LILRB5: variants seen among roughly 807,000 people sequenced by gnomAD.
LILRB5 encodes leukocyte immunoglobulin-like receptor subfamily B member 5.
A neutral mutation model predicts 68.4 loss-of-function variants in LILRB5; 61 were observed. The ratio of observed to expected loss-of-function variants is 0.89; its 90% CI spans 0.73 to 1.10. The LOEUF (loss-of-function observed/expected upper bound fraction) is 1.10, where lower values mean the gene tolerates loss of function less well. Ranked by LOEUF, LILRB5 falls within the 50% of genes least tolerant of loss-of-function variation. LILRB5 has a pLI of 0.00. For synonymous variants in LILRB5, 356 were observed against 315.8 expected, an observed-to-expected ratio of 1.13 and a Z score of -1.35; for missense variants, 771 against 751.6, an observed-to-expected ratio of 1.03 and a Z score of -0.30.
Position 54,250,798 on chromosome 19 carries a change from C to T in LILRB5, c.1764G>A (p.Leu588=). 1 of 1,614,026 alleles carries T rather than the reference C, an allele frequency of 6.2e-7. No homozygotes were observed. The change falls in exon 13 of 13, where the codon CTG becomes CTA. Residue 588 remains leucine (L), a synonymous_variant. Transcript: ENST00000449561. The stretch of plus-strand genomic sequence containing the variant: ...GGTCCCCCGTGGGCTAGTGGATGGC[C>T]AGGGGGGCGTAGATGCTGGGTTCAG... ...PPAEPSIYAP[L]AIH is the part of the protein sequence containing the mutation.
chr19:54,256,454 G>A (rs777051807), intron 3 of LILRB5, 35 bp downstream of exon 3: 6 of 1,610,162 alleles, frequency 3.7e-6, no homozygotes, highest in African/African-American at 2.7e-5. Flanking sequence ...CCTGAGGGCA[G>A]AGCCTGGGGC....
intron 12 of LILRB5, chr19:54,251,314 G>A (rs1001860725): frequency 2.3e-5 from 18 of 793,894 alleles, no homozygotes; most frequent in East Asian, 1.1e-4. Flanking sequence ...GGGTCTGGCC[G>A]CTCCCTCCCT....
chr19:54,251,091 A>C (rs766125599), intron 12 of LILRB5, 159 bp from the exon 13 acceptor site: 3 of 1,492,508 alleles, frequency 2.0e-6, no homozygotes, highest in Admixed American at 1.7e-5. Flanking sequence ...GAAGGAGGAG[A>C]GGCCATTTCT....
chr19:54,251,369 T>C, intron 12 of LILRB5: 1 of 751,368 alleles, frequency 1.3e-6, no homozygotes, highest in Admixed American at 3.1e-5. Context: ...CCCATTTGGC[T>C]GCAGCCTCAC....
chr19:54,255,194 C>T, intron 5 of LILRB5, 92 bp downstream of exon 5: 1 of 1,536,158 alleles, frequency 6.5e-7, no homozygotes, highest in Non-Finnish European at 8.8e-7. Context: ...TGGGACCACC[C>T]CCCCGCCTCA....
chr19:54,256,025 G>T lies in LILRB5; in HGVS notation c.655+18C>A, dbSNP rs1037867757. 2.6e-6 allele frequency: 4 copies of T among 1,520,494 alleles called. No homozygotes were observed. Among genetic ancestry groups the T allele is most frequent in the South Asian group, 2.6e-5 (2 of 75,984 alleles). The allele number at this position is 1,520,494 out of a possible 1,614,324, so 94.2% of individuals were successfully genotyped here. ...TGGTTCCCCAAAATTATATAAAGAA[G>T]TGTGGTGGCTTTTTCACCTGGGACC... On this transcript the variant is annotated intron_variant, in intron 4 of 12. Coordinates refer to ENST00000449561, the MANE Select transcript of LILRB5 (RefSeq NM_001081442.3).
In LILRB5 at chr19:54,256,412, A is replaced by T. The variant is rs933623831; in HGVS notation, c.356-70T>A. 14 of 1,592,154 alleles carry T rather than the reference A, an allele frequency of 8.8e-6. No individual in the cohort carries two copies. The African/African-American group carries it at 1.8e-4, about 20-fold the overall frequency. ...ACATCATCCCCAGGGCTGGGCTGTG[A>T]GAGGTAGACGTCCCTAAGAGCCGAC... On this transcript the variant is annotated intron_variant, in intron 3 of 12. Coordinates refer to ENST00000449561, the MANE Select transcript of LILRB5 (RefSeq NM_001081442.3).
Position 54,249,548 on chromosome 19 carries a change from T to G in LILRB5, c.*1238A>C, listed in dbSNP as rs971193877. On this transcript the variant is annotated 3_prime_UTR_variant, in exon 13 of 13. Transcript: ENST00000449561. Reference sequence around the variant, plus strand: ...ACAGAATTTTTTTTAGAGTGTAGCATAGAAACTTTATAAATTGCAATTTAA... The same window carrying G: ...ACAGAATTTTTTTTAGAGTGTAGCAGAGAAACTTTATAAATTGCAATTTAA... The G allele has an allele frequency of 6.6e-6, 1 of 152,180 alleles. No individual in the cohort carries two copies. The highest frequency in any genetic ancestry group is 6.5e-5 in the Admixed American group (1 of 15,278). 9.4% of individuals were successfully genotyped at this position (152,180 alleles called of 1,614,324 possible). A position where few individuals can be genotyped will look rare whatever the true frequency, so the allele number is the denominator to read the frequency against.
chr19:54,250,633 T>C lies in LILRB5; in HGVS notation c.*153A>G. The C allele has an allele frequency of 1.1e-6, 1 of 883,338 alleles. No individual in the cohort carries two copies. Among genetic ancestry groups the C allele is most frequent in the Non-Finnish European group, 1.7e-6 (1 of 579,760 alleles). The allele number at this position is 883,338 out of a possible 1,614,324, so 54.7% of individuals were successfully genotyped here. On this transcript the variant is annotated 3_prime_UTR_variant, in exon 13 of 13. Transcript: ENST00000449561. ...ATTAGTCATCTTTGACTGCAGAATCTAGTGAGTCCCAGAGTTCCCAGGATG... is the reference window on the plus strand; with the variant it reads ...ATTAGTCATCTTTGACTGCAGAATCCAGTGAGTCCCAGAGTTCCCAGGATG...
Position 54,250,801 on chromosome 19 carries a change from G to T in LILRB5, c.1761C>A (p.Pro587=), listed in dbSNP as rs200131930. ...CCCCCGTGGGCTAGTGGATGGCCAG[G>T]GGGGCGTAGATGCTGGGTTCAGCTG... ...EPPAEPSIYA[P]LAIH Residue 587 remains proline, a synonymous_variant, in exon 13 of 13, where the codon CCC becomes CCA. Coordinates refer to ENST00000449561, the MANE Select transcript of LILRB5 (RefSeq NM_001081442.3). 20 of 1,614,116 alleles carry T rather than the reference G, an allele frequency of 1.2e-5. No homozygotes were observed. Among genetic ancestry groups the T allele is most frequent in the Admixed American group, 8.3e-5 (5 of 60,022 alleles).
In LILRB5 at chr19:54,255,577, A is replaced by G. The variant is rs779193327; in HGVS notation, c.661T>C (p.Ser221Pro). The G allele has an allele frequency of 2.2e-5, 35 of 1,612,666 alleles. No homozygotes were observed. Among genetic ancestry groups the G allele is most frequent in the Non-Finnish European group, 2.5e-5 (30 of 1,179,256 alleles). The change falls in exon 5 of 13, where the codon TCT becomes CCT. Residue 221 changes from serine (S) to proline (P), a missense_variant. Physicochemically the swap from Ser to Pro is moderately conservative, Grantham distance 74. Coordinates refer to ENST00000449561, the MANE Select transcript of LILRB5 (RefSeq NM_001081442.3). ...GGGATCAGGAGGGAGGGCTTCCTAG[A>G]CACGCCTGGAGGGAAAGAGGAATTG... ...DLLEILVPGV[S>P]RKPSLLIPQG...
chr19:54,256,038 T>C lies in LILRB5; in HGVS notation c.655+5A>G. ...TTATATAAAGAAGTGTGGTGGCTTT[T>C]TCACCTGGGACCAGAATCTCCAGGA... On this transcript the variant is annotated splice_donor_5th_base_variant and intron_variant, in intron 4 of 12. Coordinates refer to ENST00000449561, the MANE Select transcript of LILRB5 (RefSeq NM_001081442.3). 6.5e-7 allele frequency: 1 copy of C among 1,529,878 alleles called. No individual in the cohort carries two copies. Among genetic ancestry groups the C allele is most frequent in the Non-Finnish European group, 8.8e-7 (1 of 1,142,010 alleles). The allele number at this position is 1,529,878 out of a possible 1,614,324, so 94.8% of individuals were successfully genotyped here.
rs2079081589 is a variant in LILRB5, at chr19:54,255,026, C to T, written c.964G>A (p.Asp322Asn). The T allele has an allele frequency of 1.3e-5, 21 of 1,607,364 alleles. No individual in the cohort carries two copies. The highest frequency in any genetic ancestry group is 1.8e-5 in the Non-Finnish European group (21 of 1,175,972). The change falls in exon 6 of 13, where the codon GAC becomes AAC. Residue 322 changes from aspartate (D) to asparagine (N), a missense_variant. Transcript: ENST00000449561. The part of the protein sequence containing the change: ...LDILIAGLIP[D>N]IPALSVQPGP... ...GGCTGCACCGAGAGGGCGGGTATGT[C>T]AGGGATCAGTCCTGGAGAGAAGAAG...
rs753213992 is a variant in LILRB5, at chr19:54,254,366, A to G, written c.1305T>C (p.Pro435=). The change falls in exon 7 of 13, where the codon CCT becomes CCC. Residue 435 remains proline, a splice_region_variant and synonymous_variant. Coordinates refer to ENST00000449561, the MANE Select transcript of LILRB5 (RefSeq NM_001081442.3). ...SLSPTGSTPT[P]AGPEDQPLTP... is the part of the protein sequence containing the mutation. ...AGCCCAGAGGCCTCAGTGACTCACC[A>G]GGTGTGGGGGTGGAGCCTGTAGGTG... is the stretch of plus-strand genomic sequence containing the variant. The G allele has an allele frequency of 8.9e-6, 14 of 1,577,800 alleles. No individual in the cohort carries two copies. The highest frequency in any genetic ancestry group is 1.8e-5 in the Admixed American group (1 of 54,210).
Position 54,252,474 on chromosome 19 carries a change from A to G in LILRB5, c.1538+12T>C. 1 of 1,614,074 alleles carries G rather than the reference A, an allele frequency of 6.2e-7. No homozygotes were observed. The highest frequency in any genetic ancestry group is 2.2e-5 in the East Asian group (1 of 44,868). On this transcript the variant is annotated intron_variant, in intron 10 of 12. Coordinates refer to ENST00000449561, the MANE Select transcript of LILRB5 (RefSeq NM_001081442.3). Reference sequence around the variant, plus strand: ...GGGTGGATGGGAGTCTTGGGTCTTCATGCAGAATTACCTCTTCTGCAGGCC... The same window carrying G: ...GGGTGGATGGGAGTCTTGGGTCTTCGTGCAGAATTACCTCTTCTGCAGGCC...
chr19:54,257,122 C>T (rs1555901104), intron 1 of LILRB5, 38 bp downstream of exon 1: 6 of 1,614,118 alleles, frequency 3.7e-6, no homozygotes, highest in Middle Eastern at 1.6e-4. Flanking sequence ...GAGCTCCCTC[C>T]AAGACGGGGA....
At chr19:54,254,258 G>A in intron 7 of LILRB5, 107 bp downstream of exon 7, 1 of 1,463,786 alleles carries the variant, frequency 6.8e-7, no homozygotes, top group Non-Finnish European at 9.2e-7. Context: ...CTCCCTGGAG[G>A]GAAGCTCCCG....
At chr19:54,253,856 C>T (rs2079034199) in intron 8 of LILRB5, 162 bp downstream of exon 8, 2 of 1,503,240 alleles carry the variant, frequency 1.3e-6, no homozygotes, top group East Asian at 4.9e-5. Flanking sequence ...TGAAGAATCC[C>T]ATCAATGCAG....
At position 54,256,204 on chromosome 19, in the gene LILRB5, G is replaced by A; in HGVS notation, c.494C>T (p.Thr165Ile). 6.2e-7 allele frequency: 1 copy of A among 1,613,978 alleles called. No individual in the cohort carries two copies. Among genetic ancestry groups the A allele is most frequent in the Non-Finnish European group, 8.5e-7 (1 of 1,179,982 alleles). The change falls in exon 4 of 13, where the codon ACC becomes ATC. Residue 165 changes from threonine to isoleucine, a missense_variant. Physicochemically the swap from Thr to Ile is moderately conservative, Grantham distance 89 (BLOSUM62 -1). Transcript: ENST00000449561. ...TTTGGGGAGCTTCTGTGAGTACAGG[G>A]TCCTGGGGAGCTTCTGTTCTTCCTC... is the stretch of plus-strand genomic sequence containing the variant. ...LVEEEQKLPRTLYSQKLPKGP... is the reference protein window; with the variant it reads ...LVEEEQKLPRILYSQKLPKGP...
Sources: gnomAD v4.1 joint callset for allele counts on GRCh38, gnomAD v4.1.1 for gene constraint, MANE v1.5 for transcripts, NCBI Gene and HGNC (gene_info 2026-07-23, HGNC 2026-07-21) for gene names.